The following SEMA6D variants were observed in gnomAD, a reference collection of about 807,000 sequenced individuals.
SEMA6D encodes the protein semaphorin-6D.
SEMA6D carries 35 observed loss-of-function variants against 106.6 expected under a neutral mutation model. The observed-to-expected ratio is 0.33, with a 90% CI of 0.25 to 0.44. SEMA6D has a LOEUF of 0.44. Ranked by LOEUF, SEMA6D falls within the 20% of genes least tolerant of loss-of-function variation. The pLI is 1.00. For missense variants in SEMA6D, 1,185 were observed against 1,345.9 expected (o/e 0.88, Z 1.87); for synonymous variants, 499 against 487.7 (o/e 1.02, Z -0.31).
chr15:47,365,888 GAGGAGAGAGA>G (rs2038999784), intron 1 of SEMA6D, among the ~76,000 whole-genome samples: 4 of 70,122 alleles, frequency 5.7e-5, no homozygotes, highest in Admixed American at 3.0e-4. Context: ...GAGAGAGAGA[GAGGAGAGAGA>G]GAGAGAGAGA....
chr15:47,352,377 A>G (rs2038359913), intron 1 of SEMA6D, among the ~76,000 whole-genome samples: 1 of 152,158 alleles, frequency 6.6e-6, no homozygotes, highest in Admixed American at 6.5e-5. Context: ...AACCTTTTTT[A>G]TCTTTAACAA....
intron 3 of SEMA6D, among the ~76,000 whole-genome samples, chr15:47,518,561 G>A (rs566710913): frequency 3.3e-5 from 5 of 152,110 alleles, no homozygotes; most frequent in Non-Finnish European, 5.9e-5. Context: ...ACCGAATATT[G>A]CAGGCAGTTT....
Position 47,463,165 on chromosome 15 carries a change from T to C in SEMA6D, c.-158-7309T>C, listed in dbSNP as rs1318825960. On this transcript the variant is annotated intron_variant, in intron 2 of 19. Coordinates refer to the SEMA6D transcript ENST00000558014. ...GGATCTAAATCCACCTAGTTTTTCA[T>C]TTTGGTGCAATATTTTCAATTGCAA... 3.3e-5 allele frequency among the ~76,000 whole-genome samples: 5 copies of C among 152,170 alleles called. No individual in the cohort carries two copies. The East Asian group carries it at 9.7e-4, about 29-fold the overall frequency.
intron 4 of SEMA6D, among the ~76,000 whole-genome samples, chr15:47,617,543 A>G (rs2077028908): frequency 6.6e-6 from 1 of 152,110 alleles, no homozygotes; most frequent in South Asian, 2.1e-4. Flanking sequence ...CCAGTTTTGT[A>G]TTTTTGGTTT....
At chr15:47,364,170 T>C (rs910477591) in intron 1 of SEMA6D, among the ~76,000 whole-genome samples, 1 of 152,190 alleles carries the variant, frequency 6.6e-6, no homozygotes, top group African/African-American at 2.4e-5. Flanking sequence ...ACAGTGCATG[T>C]TCATCGTATT....
At chr15:47,628,692 T>A (rs1185466762) in intron 4 of SEMA6D, among the ~76,000 whole-genome samples, 2 of 152,120 alleles carry the variant, frequency 1.3e-5, no homozygotes, top group Admixed American at 6.6e-5. Flanking sequence ...TCTCCCAGTC[T>A]ATAACTTGTC....
intron 3 of SEMA6D, among the ~76,000 whole-genome samples, chr15:47,500,121 G>C (rs117638022): frequency 6.6e-6 from 1 of 152,126 alleles, no homozygotes; most frequent in Admixed American, 6.5e-5. Context: ...TGGGATGCTA[G>C]TAGAATGACC....
chr15:47,385,865 GA>G (rs1477059086), intron 1 of SEMA6D, among the ~76,000 whole-genome samples: 1 of 152,150 alleles, frequency 6.6e-6, no homozygotes, highest in East Asian at 1.9e-4. Context: ...TGTTAGCAAG[GA>G]ATTTTGACAG....
intron 4 of SEMA6D, among the ~76,000 whole-genome samples, chr15:47,615,245 A>G (rs1290591228): frequency 6.6e-6 from 1 of 152,234 alleles, no homozygotes; most frequent in Non-Finnish European, 1.5e-5. Context: ...CATAGCATTT[A>G]CATTGTATTA....
intron 3 of SEMA6D, among the ~76,000 whole-genome samples, chr15:47,593,046 G>A (rs998480656): frequency 1.3e-5 from 2 of 152,120 alleles, no homozygotes; most frequent in Non-Finnish European, 2.9e-5. Flanking sequence ...TCTGTGAAGT[G>A]TCCTTGACTC....
intron 18 of SEMA6D, among the ~76,000 whole-genome samples, chr15:47,769,306 T>A (rs2082508896): frequency 6.6e-6 from 1 of 152,138 alleles, no homozygotes; most frequent in African/African-American, 2.4e-5. Context: ...TTATTAAATA[T>A]ATTACTCTAG....
At chr15:47,620,089 C>G (rs1464161736) in intron 4 of SEMA6D, among the ~76,000 whole-genome samples, 1 of 152,158 alleles carries the variant, frequency 6.6e-6, no homozygotes, top group Non-Finnish European at 1.5e-5. Context: ...CCACTTGAGA[C>G]ATGGTTCTAG....
intron 1 of SEMA6D, among the ~76,000 whole-genome samples, chr15:47,265,770 A>G (rs992051040): frequency 5.3e-5 from 8 of 151,772 alleles, no homozygotes; most frequent in Non-Finnish European, 1.0e-4. Flanking sequence ...GGGGATTGCT[A>G]TTTTTTAGGT....
chr15:47,297,773 T>A (rs958440156), intron 1 of SEMA6D, among the ~76,000 whole-genome samples: 13 of 152,142 alleles, frequency 8.5e-5, no homozygotes, highest in Admixed American at 6.5e-4. Context: ...TTCCTTTGTG[T>A]GATCAAGGGA....
At chr15:47,458,612 G>C (rs2042412291) in intron 2 of SEMA6D, among the ~76,000 whole-genome samples, 1 of 151,930 alleles carries the variant, frequency 6.6e-6, no homozygotes, top group African/African-American at 2.4e-5. Flanking sequence ...TAATTAACCT[G>C]TATGTCAAAG....
chr15:47,342,693 A>G (rs1048271548), intron 1 of SEMA6D, among the ~76,000 whole-genome samples: 4 of 152,078 alleles, frequency 2.6e-5, no homozygotes, highest in African/African-American at 9.7e-5. Context: ...TTGACCCTAC[A>G]CTAAATCGCT....
chr15:47,601,433 A>G (rs2076656451), intron 4 of SEMA6D, among the ~76,000 whole-genome samples: 1 of 152,198 alleles, frequency 6.6e-6, no homozygotes, highest in African/African-American at 2.4e-5. Flanking sequence ...ACATTAAATA[A>G]CATAATAGGG....
At chr15:47,369,710 T>C (rs1011935678) in intron 1 of SEMA6D, among the ~76,000 whole-genome samples, 4 of 152,234 alleles carry the variant, frequency 2.6e-5, no homozygotes, top group Non-Finnish European at 5.9e-5. Context: ...GTATACGTTA[T>C]TGACATAAGA....
At chr15:47,355,925 GT>G (rs1242301436) in intron 1 of SEMA6D, among the ~76,000 whole-genome samples, 2 of 152,194 alleles carry the variant, frequency 1.3e-5, no homozygotes, top group African/African-American at 2.4e-5. Context: ...TCTGTTTACA[GT>G]ATTTCTAAAC....
Sources: allele counts gnomAD v4.1 joint callset (sites outside exome capture counted in the v4.1 genomes callset), GRCh38; gene constraint gnomAD v4.1.1; transcripts MANE v1.5; gene names NCBI Gene and HGNC (gene_info 2026-07-23, HGNC 2026-07-21).